Variants in KCNQ5 observed in about 807,000 individuals in gnomAD.
The protein encoded by KCNQ5 is potassium voltage-gated channel subfamily Q member 5, also known as potassium voltage-gated channel subfamily KQT member 5.
A neutral mutation model predicts 98.2 loss-of-function variants in KCNQ5; 30 were observed. That is an observed-to-expected ratio of 0.31 (90% CI 0.23 to 0.41). The LOEUF is 0.41. Among genes scored for constraint, KCNQ5 ranks in the 10% least tolerant of loss-of-function variants. The pLI is 1.00. For synonymous variants in KCNQ5, 458 were observed against 449.4 expected, an observed-to-expected ratio of 1.02 and a Z score of -0.24; for missense variants, 835 against 1,182.5, an observed-to-expected ratio of 0.71 and a Z score of 4.31.
At chr6:72,752,450 G>T (rs1771732114) in intron 1 of KCNQ5, among the ~76,000 whole-genome samples, 1 of 152,072 alleles carries the variant, frequency 6.6e-6, no homozygotes, top group Non-Finnish European at 1.5e-5. Context: ...ACAGATTTCT[G>T]CTTTCTTTAG....
chr6:72,916,528 C>T (rs1031216908), intron 1 of KCNQ5, among the ~76,000 whole-genome samples: 1 of 152,150 alleles, frequency 6.6e-6, no homozygotes, highest in Non-Finnish European at 1.5e-5. Context: ...GTGCAAGTAC[C>T]ACTGCTTCCT....
At chr6:73,067,709 A>G (rs1331695127) in intron 3 of KCNQ5, among the ~76,000 whole-genome samples, 2 of 152,114 alleles carry the variant, frequency 1.3e-5, no homozygotes, top group South Asian at 4.1e-4. Flanking sequence ...AATGTTGCCC[A>G]TTTCTCTTCT....
chr6:73,138,805 T>G (rs947611), intron 10 of KCNQ5, among the ~76,000 whole-genome samples: 1 of 152,078 alleles, frequency 6.6e-6, no homozygotes, highest in Non-Finnish European at 1.5e-5. Flanking sequence ...CTTCCGATTG[T>G]GGGGGTCCCT....
chr6:73,171,949 T>C (rs917421567), intron 11 of KCNQ5, among the ~76,000 whole-genome samples: 3 of 152,182 alleles, frequency 2.0e-5, no homozygotes, highest in African/African-American at 7.2e-5. Context: ...ATAAAAAGGA[T>C]TGTGAGCTGC....
chr6:72,715,725 G>A (rs1769612803), intron 1 of KCNQ5, among the ~76,000 whole-genome samples: 1 of 151,932 alleles, frequency 6.6e-6, no homozygotes, highest in African/African-American at 2.4e-5. Context: ...GATAATATTT[G>A]GTTTTATACT....
intron 1 of KCNQ5, among the ~76,000 whole-genome samples, chr6:72,651,318 A>G (rs1161709837): frequency 6.6e-6 from 1 of 152,112 alleles, no homozygotes; most frequent in Non-Finnish European, 1.5e-5. Flanking sequence ...GGATGGACAG[A>G]TGGATGCATA....
chr6:72,739,775 C>T (rs1771035888), intron 1 of KCNQ5, among the ~76,000 whole-genome samples: 1 of 151,952 alleles, frequency 6.6e-6, no homozygotes, highest in Admixed American at 6.6e-5. Flanking sequence ...TTCGATAGTC[C>T]CAGGACCTGA....
intron 1 of KCNQ5, among the ~76,000 whole-genome samples, chr6:72,667,633 G>T (rs1766891115): frequency 1.3e-5 from 2 of 152,042 alleles, no homozygotes; most frequent in Admixed American, 6.5e-5. Flanking sequence ...AATCAAGCAG[G>T]TACCAGTTGA....
At chr6:72,743,569 G>A (rs1396999374) in intron 1 of KCNQ5, among the ~76,000 whole-genome samples, 5 of 152,126 alleles carry the variant, frequency 3.3e-5, no homozygotes, top group Non-Finnish European at 2.9e-5. Context: ...ACCATACCAA[G>A]ATTATGCTGC....
chr6:73,147,775 G>T (rs930079456), intron 10 of KCNQ5, among the ~76,000 whole-genome samples: 1 of 151,944 alleles, frequency 6.6e-6, no homozygotes, highest in African/African-American at 2.4e-5. Context: ...ATTGTTTGGG[G>T]GTTTTAAAAA....
chr6:72,748,163 A>G (rs1170530649), intron 1 of KCNQ5, among the ~76,000 whole-genome samples: 1 of 152,092 alleles, frequency 6.6e-6, no homozygotes, highest in East Asian at 1.9e-4. Flanking sequence ...TCTTTTATAC[A>G]GTTGATGTGT....
chr6:72,902,352 G>T (rs759805710), intron 1 of KCNQ5, among the ~76,000 whole-genome samples: 1 of 152,084 alleles, frequency 6.6e-6, no homozygotes, highest in Non-Finnish European at 1.5e-5. Flanking sequence ...TTGTCTGATC[G>T]CTCTGGCTAG....
chr6:72,893,290 T>C (rs1413741936), intron 1 of KCNQ5, among the ~76,000 whole-genome samples: 1 of 152,200 alleles, frequency 6.6e-6, no homozygotes, highest in Non-Finnish European at 1.5e-5. Flanking sequence ...ATTGTGGTTT[T>C]TTTTTAATAC....
chr6:72,779,391 T>G (rs1439474497), intron 1 of KCNQ5, among the ~76,000 whole-genome samples: 1 of 152,068 alleles, frequency 6.6e-6, no homozygotes, highest in Non-Finnish European at 1.5e-5. Context: ...TGTAGACAAG[T>G]TTGTGAGAAT....
chr6:73,155,169 C>T lies in KCNQ5; in HGVS notation c.1469-14577C>T, dbSNP rs77415393. On this transcript the variant is annotated intron_variant, in intron 10 of 13. Transcript: ENST00000370398. ...AAACTCCATCACGCCACCCTGCACA[C>T]TTCATCCTCTGTGCTTAGGACCTCT... Among the ~76,000 whole-genome samples the T allele has an allele frequency of 4.0e-3, 613 of 152,322 alleles. 1 individual carries two copies. The highest frequency in any genetic ancestry group is 0.014 in the African/African-American group (570 of 41,568).
At chr6:73,037,157 T>C (rs77993897) in intron 2 of KCNQ5, among the ~76,000 whole-genome samples, 3,763 of 152,364 alleles carry the variant, frequency 0.025, 91 homozygotes, top group East Asian at 0.1. Flanking sequence ...ACTTCTTTTA[T>C]GTATGTCCTC....
At chr6:72,784,141 C>T (rs1353688593) in intron 1 of KCNQ5, among the ~76,000 whole-genome samples, 2 of 152,084 alleles carry the variant, frequency 1.3e-5, no homozygotes, top group Non-Finnish European at 2.9e-5. Context: ...GGGTCGGGTA[C>T]ACATTCAGCC....
chr6:72,812,105 A>G (rs1487519602), intron 1 of KCNQ5, among the ~76,000 whole-genome samples: 4 of 152,166 alleles, frequency 2.6e-5, no homozygotes, highest in Non-Finnish European at 4.4e-5. Flanking sequence ...ATTAGCTTAT[A>G]ATGAGCAGTG....
chr6:73,108,758 C>T lies in KCNQ5; in HGVS notation c.1030-2550C>T, dbSNP rs539752685. ...AGGAGAATGATGTAAACCCAGGAGG[C>T]GGAACTTGCAGTGAGCCGAGATCGC... On this transcript the variant is annotated intron_variant, in intron 6 of 13. Transcript: ENST00000370398. 5.9e-5 allele frequency among the ~76,000 whole-genome samples: 9 copies of T among 152,064 alleles called. No homozygotes were observed. The Middle Eastern group carries it at 0.01, about 172-fold the overall frequency.
Sources: gnomAD v4.1 joint callset for allele counts (sites outside exome capture counted in the v4.1 genomes callset) on GRCh38, gnomAD v4.1.1 for gene constraint, MANE v1.5 for transcripts, NCBI Gene and HGNC (gene_info 2026-07-23, HGNC 2026-07-21) for gene names.